Variants in ACADSB observed in about 807,000 individuals in gnomAD.
The protein encoded by ACADSB is short/branched chain specific acyl-CoA dehydrogenase, mitochondrial.
A neutral mutation model predicts 54.1 loss-of-function variants in ACADSB; 40 were observed. The observed-to-expected ratio is 0.74, with a 90% CI of 0.57 to 0.96. The LOEUF is 0.96. Among genes scored for constraint, ACADSB ranks in the 40% least tolerant of loss-of-function variants. The pLI, the probability that ACADSB is intolerant of heterozygous loss-of-function variation, is 0.00. For missense variants in ACADSB, 530 were observed against 510.4 expected (o/e 1.04, Z -0.37); for synonymous variants, 182 against 182.8 (o/e 1.00, Z 0.03).
chr10:123,039,408 G>A (rs1242819642), intron 3 of ACADSB, among the ~76,000 whole-genome samples: 1 of 152,182 alleles, frequency 6.6e-6, no homozygotes, highest in Non-Finnish European at 1.5e-5. Context: ...GCAGCTGTGG[G>A]TTTTGAATTA....
intron 1 of ACADSB, among the ~76,000 whole-genome samples, chr10:123,015,823 C>T (rs1329186063): frequency 6.6e-6 from 1 of 152,204 alleles, no homozygotes; most frequent in Non-Finnish European, 1.5e-5. Flanking sequence ...ACAAAAGGAA[C>T]TCATCACGTG....
At chr10:123,013,281 T>C (rs1319233332) in intron 1 of ACADSB, among the ~76,000 whole-genome samples, 2 of 152,198 alleles carry the variant, frequency 1.3e-5, no homozygotes, top group Non-Finnish European at 2.9e-5. Flanking sequence ...GAGTACCGAT[T>C]GGTGCATCCA....
Position 123,009,010 on chromosome 10 carries a change from C to T in ACADSB, c.-20C>T. ...TGGCTAGAGACCCAGAGGCGCAGAG[C>T]GGAGAGGCCTGCGGCGAGGATGGAG... On this transcript the variant is annotated 5_prime_UTR_variant, in exon 1 of 11. Transcript: ENST00000358776. The T allele has an allele frequency of 1.3e-6, 2 of 1,547,522 alleles. No individual in the cohort carries two copies. The highest frequency in any genetic ancestry group is 1.2e-5 in the South Asian group (1 of 84,008).
At chr10:123,041,838 T>C (rs1445046357) in intron 5 of ACADSB, among the ~76,000 whole-genome samples, 1 of 152,174 alleles carries the variant, frequency 6.6e-6, no homozygotes, top group Non-Finnish European at 1.5e-5. Flanking sequence ...TTGAGCACTG[T>C]CAGATTTTGG....
chr10:123,037,947 GTTTTC>G (rs1850421583), intron 3 of ACADSB, 100 bp downstream of exon 3: 1 of 912,224 alleles, frequency 1.1e-6, no homozygotes, highest in Non-Finnish European at 1.7e-6. Flanking sequence ...AAAATTATCT[GTTTTC>G]TTTTTTTGGT....
At chr10:123,049,028 T>A (rs888403584) in intron 8 of ACADSB, among the ~76,000 whole-genome samples, 2 of 152,328 alleles carry the variant, frequency 1.3e-5, no homozygotes, top group East Asian at 1.9e-4. Flanking sequence ...ATTTATTTTT[T>A]AAAAATTTTG....
At chr10:123,045,068 A>G (rs1850533239) in intron 7 of ACADSB, among the ~76,000 whole-genome samples, 1 of 131,274 alleles carries the variant, frequency 7.6e-6, no homozygotes, top group African/African-American at 2.9e-5. Flanking sequence ...AATATCAGTT[A>G]TTTTCCAGAT....
At chr10:123,039,427 C>T (rs1448721408) in intron 3 of ACADSB, among the ~76,000 whole-genome samples, 1 of 152,158 alleles carries the variant, frequency 6.6e-6, no homozygotes, top group Non-Finnish European at 1.5e-5. Flanking sequence ...TACACATGCA[C>T]ACATTCTCTT....
chr10:123,037,714 A>C (rs776022449), intron 2 of ACADSB, 33 bp from the exon 3 acceptor site: 18 of 1,461,406 alleles, frequency 1.2e-5, no homozygotes, highest in Non-Finnish European at 1.5e-5. Flanking sequence ...TGTCACTTTA[A>C]CATAGACTTA....
rs188980203 is a variant in ACADSB at position 123,038,582 on chromosome 10, T to C, written c.303+735T>C. ...CTCACTTCCGCAGAGGTATAAAATATATTTTTTTTAATTTTTAATACTAAA... is the reference window on the plus strand; with the variant it reads ...CTCACTTCCGCAGAGGTATAAAATACATTTTTTTTAATTTTTAATACTAAA... On this transcript the variant is annotated intron_variant, in intron 3 of 10. Transcript: ENST00000358776. Among the ~76,000 whole-genome samples the C allele has an allele frequency of 2.2e-4, 33 of 152,310 alleles. No individual in the cohort carries two copies. In the East Asian group the frequency reaches 4.8e-3, roughly 22 times the overall value.
In ACADSB at chr10:123,043,098, A is replaced by AT; in HGVS notation, c.735dup (p.Ile246TyrfsTer5). The AT allele has an allele frequency of 6.2e-7, 1 of 1,614,032 alleles. No individual in the cohort carries two copies. The highest frequency in any genetic ancestry group is 8.5e-7 in the Non-Finnish European group (1 of 1,179,900). ...GTAGATCGTGATACTCCGGGCCTTC[A>AT]TATAGGGAAACCTGAAAACAAATTG... On this transcript the variant is annotated frameshift_variant, in exon 6 of 11. Coordinates refer to ENST00000358776, the MANE Select transcript of ACADSB (RefSeq NM_001609.4). LOFTEE classifies it high-confidence loss of function.
rs985138717 is a variant in ACADSB at position 123,057,958 on chromosome 10, T to G, written c.*4193T>G. On this transcript the variant is annotated 3_prime_UTR_variant, in exon 11 of 11. Transcript: ENST00000358776. Reference sequence around the variant, plus strand: ...AGTACTCTTGCTGATTTATTTTAGGTTTAACTGGTAAAGAATGAACATTTC... The same window carrying G: ...AGTACTCTTGCTGATTTATTTTAGGGTTAACTGGTAAAGAATGAACATTTC... The G allele has an allele frequency of 2.6e-5, 4 of 151,888 alleles. No homozygotes were observed. The highest frequency in any genetic ancestry group is 5.9e-5 in the Non-Finnish European group (4 of 68,034). The allele number at this position is 151,888 out of a possible 1,614,324, so 9.4% of individuals were successfully genotyped here. A position where few individuals can be genotyped will look rare whatever the true frequency, so the allele number is the denominator to read the frequency against.
chr10:123,052,167 AT>A lies in ACADSB; in HGVS notation c.1129-893del, dbSNP rs1228701351. Reference sequence around the variant, plus strand: ...TCTGTACTAGATTCCAATTGCTGCTATAACAAATTACCAAAAAGTCGGGGAC... The same window carrying A: ...TCTGTACTAGATTCCAATTGCTGCTAAACAAATTACCAAAAAGTCGGGGAC... On this transcript the variant is annotated intron_variant, in intron 9 of 10. Coordinates refer to ENST00000358776, the MANE Select transcript of ACADSB (RefSeq NM_001609.4). This position sits in a 1 kb window ranked among gnomAD's most constrained non-coding sequence, Gnocchi z 4.2. 6.6e-6 allele frequency among the ~76,000 whole-genome samples: 1 copy of A among 152,164 alleles called. No individual in the cohort carries two copies. The highest frequency in any genetic ancestry group is 1.5e-5 in the Non-Finnish European group (1 of 68,040).
chr10:123,009,011 G>T lies in ACADSB; in HGVS notation c.-19G>T, dbSNP rs750986257. 76 of 1,547,568 alleles carry T rather than the reference G, an allele frequency of 4.9e-5. No homozygotes were observed. In the African/African-American group the frequency reaches 9.9e-4, roughly 20 times the overall value. On this transcript the variant is annotated 5_prime_UTR_variant, in exon 1 of 11. Coordinates refer to ENST00000358776, the MANE Select transcript of ACADSB (RefSeq NM_001609.4). ...GGCTAGAGACCCAGAGGCGCAGAGC[G>T]GAGAGGCCTGCGGCGAGGATGGAGG...
chr10:123,013,769 G>A (rs1364658397), intron 1 of ACADSB, among the ~76,000 whole-genome samples: 7 of 152,200 alleles, frequency 4.6e-5, no homozygotes, highest in East Asian at 1.9e-4. Context: ...CTCACTGCCC[G>A]GGGCCGCAGG....
At position 123,009,049 on chromosome 10, in the gene ACADSB, G is replaced by T. The variant is rs1179957829; in HGVS notation, c.20G>T (p.Arg7Leu). 6.5e-7 allele frequency: 1 copy of T among 1,547,892 alleles called. No individual in the cohort carries two copies. Among genetic ancestry groups the T allele is most frequent in the South Asian group, 1.2e-5 (1 of 84,036 alleles). The change falls in exon 1 of 11, where the codon CGG becomes CTG. Residue 7 changes from arginine (R) to leucine (L), a missense_variant. Physicochemically the swap from Arg to Leu is moderately radical, Grantham distance 102. Coordinates refer to ENST00000358776, the MANE Select transcript of ACADSB (RefSeq NM_001609.4). MEGLAV[R>L]LLRGSRLLRR... ...GCGAGGATGGAGGGCCTGGCAGTGC[G>T]GTTGCTGCGCGGCAGCAGGCTGGTG...
Position 123,013,580 on chromosome 10 carries a change from C to G in ACADSB, c.42+4509C>G, listed in dbSNP as rs1015836931. On this transcript the variant is annotated intron_variant, in intron 1 of 10. Transcript: ENST00000358776. ...TGGCGCTCGTCGGGGAGGCTCAGGCCGTGCAGGAGCCCACTGGCGGTGGCG... is the reference window on the plus strand; with the variant it reads ...TGGCGCTCGTCGGGGAGGCTCAGGCGGTGCAGGAGCCCACTGGCGGTGGCG... Among the ~76,000 whole-genome samples the G allele has an allele frequency of 3.3e-5, 5 of 152,232 alleles. No homozygotes were observed. The East Asian group carries it at 9.6e-4, about 29-fold the overall frequency.
intron 7 of ACADSB, among the ~76,000 whole-genome samples, chr10:123,045,152 TATATATATATA>T (rs1436615034): frequency 3.3e-4 from 4 of 11,996 alleles, no homozygotes; most frequent in African/African-American, 1.0e-3. Context: ...TATATATATA[TATATATATATA>T]TATATATATT....
At chr10:123,049,961 CAG>C (rs1339091878) in intron 8 of ACADSB, among the ~76,000 whole-genome samples, 1 of 152,138 alleles carries the variant, frequency 6.6e-6, no homozygotes, top group Non-Finnish European at 1.5e-5. Flanking sequence ...AGATAAATCA[CAG>C]GGGAGAAGAT....
Sources: gnomAD v4.1 joint callset for allele counts (sites outside exome capture counted in the v4.1 genomes callset) on GRCh38, gnomAD v4.1.1 for gene constraint, Gnocchi (gnomAD v3.1) non-coding constraint, MANE v1.5 for transcripts, NCBI Gene and HGNC (gene_info 2026-07-23, HGNC 2026-07-21) for gene names.